CCNYL1: variants seen among roughly 807,000 people sequenced by gnomAD.
CCNYL1 encodes cyclin Y like 1, also known as cyclin-Y-like protein 1.
A neutral mutation model predicts 44.2 loss-of-function variants in CCNYL1; 16 were observed. That is an observed-to-expected ratio of 0.36 (90% CI 0.25 to 0.55). The LOEUF (loss-of-function observed/expected upper bound fraction) is 0.55. CCNYL1 is among the 20% of genes least tolerant of loss of function. The pLI, the probability that CCNYL1 is intolerant of heterozygous loss-of-function variation, is 0.85. For synonymous variants in CCNYL1, 159 were observed against 163.2 expected (o/e 0.97, Z 0.20); for missense variants, 348 against 451.8 (o/e 0.77, Z 2.08).
intron 4 of CCNYL1, among the ~76,000 whole-genome samples, chr2:207,736,868 ATATAT>A (rs1271886125): frequency 6.6e-6 from 1 of 152,074 alleles, no homozygotes; most frequent in African/African-American, 2.4e-5. Flanking sequence ...GTAATTATTT[ATATAT>A]TATAATAGTC....
rs140749564 is a variant in CCNYL1, at chr2:207,729,744, C to T, written c.330+2868C>T. Among the ~76,000 whole-genome samples, 12 of 151,934 alleles carry T rather than the reference C, an allele frequency of 7.9e-5. No homozygotes were observed. The East Asian group carries it at 2.1e-3, about 27-fold the overall frequency. ...TCTTTCTGAGAGAGTCTCATTCTGTCATCCATACTGGAGTGCAGTGGCGTG... is the reference window on the plus strand; with the variant it reads ...TCTTTCTGAGAGAGTCTCATTCTGTTATCCATACTGGAGTGCAGTGGCGTG... On this transcript the variant is annotated intron_variant, in intron 3 of 9. Coordinates refer to ENST00000295414, the MANE Select transcript of CCNYL1 (RefSeq NM_001330218.2).
At chr2:207,739,650 C>T (rs2091793451) in intron 5 of CCNYL1, among the ~76,000 whole-genome samples, 1 of 152,184 alleles carries the variant, frequency 6.6e-6, no homozygotes, top group African/African-American at 2.4e-5. Context: ...CACAACTCTA[C>T]CTCGGTATGC....
At chr2:207,728,095 C>G (rs2091694492) in intron 3 of CCNYL1, among the ~76,000 whole-genome samples, 1 of 152,062 alleles carries the variant, frequency 6.6e-6, no homozygotes, top group East Asian at 1.9e-4. Flanking sequence ...TCCCAAGTAG[C>G]TGGTATTACA....
intron 8 of CCNYL1, among the ~76,000 whole-genome samples, chr2:207,748,285 C>A (rs960992478): frequency 6.6e-6 from 1 of 152,192 alleles, no homozygotes; most frequent in South Asian, 2.1e-4. Flanking sequence ...ACGCTCACCA[C>A]ACTCGAGAGG....
At chr2:207,715,268 AAAAC>A (rs142737145) in intron 1 of CCNYL1, among the ~76,000 whole-genome samples, 73,168 of 151,324 alleles carry the variant, frequency 0.48, 18,001 homozygotes, top group East Asian at 0.71. Context: ...ACTCTGTCTC[AAAAC>A]AAACAAACAA....
At chr2:207,750,854 TAG>T in intron 8 of CCNYL1, 101 bp from the exon 9 acceptor site, 1 of 954,064 alleles carries the variant, frequency 1.0e-6, no homozygotes, top group Non-Finnish European at 1.6e-6. Context: ...TATTTTAAAA[TAG>T]AGTTTAGAGC....
At position 207,747,129 on chromosome 2, in the gene CCNYL1, T is replaced by G; in HGVS notation, c.722T>G (p.Leu241Arg). The change falls in exon 8 of 10, where the codon CTT becomes CGT. Residue 241 changes from leucine to arginine, a missense_variant. Physicochemically the swap from Leu to Arg is moderately radical, Grantham distance 102. This residue lies in a region of CCNYL1 where 45 missense variants were observed against 101.7 expected (regional missense o/e 0.44). Transcript: ENST00000295414. ...NWKRIVLGAI[L>R]LASKVWDDQA... ...AAAAGGATTGTTCTGGGAGCCATTCTTCTTGCCTCCAAGGTTTGGGACGAT... is the reference window on the plus strand; with the variant it reads ...AAAAGGATTGTTCTGGGAGCCATTCGTCTTGCCTCCAAGGTTTGGGACGAT... 1 of 1,614,126 alleles carries G rather than the reference T, an allele frequency of 6.2e-7. No individual in the cohort carries two copies. Among genetic ancestry groups the G allele is most frequent in the South Asian group, 1.1e-5 (1 of 91,088 alleles).
intron 6 of CCNYL1, among the ~76,000 whole-genome samples, chr2:207,741,833 A>G (rs10186580): frequency 0.16 from 22,796 of 146,272 alleles, 2,918 homozygotes; most frequent in East Asian, 0.39. Flanking sequence ...GCGACAGAGC[A>G]AGACTGGGTC....
chr2:207,741,009 A>T (rs1419974099), intron 6 of CCNYL1, among the ~76,000 whole-genome samples: 1 of 151,232 alleles, frequency 6.6e-6, no homozygotes, highest in Admixed American at 6.6e-5. Context: ...TAATCTCAGC[A>T]CTTTGGGAGG....
At chr2:207,734,975 A>G (rs988119308) in intron 4 of CCNYL1, among the ~76,000 whole-genome samples, 7 of 152,204 alleles carry the variant, frequency 4.6e-5, no homozygotes, top group South Asian at 2.1e-4. Context: ...TATTCAGCCA[A>G]GGTCCTAAAT....
intron 7 of CCNYL1, among the ~76,000 whole-genome samples, chr2:207,743,734 T>C (rs2091829903): frequency 6.6e-6 from 1 of 152,222 alleles, no homozygotes; most frequent in Non-Finnish European, 1.5e-5. Context: ...ATGGTCCCAG[T>C]GTTAAATGCT....
At chr2:207,745,683 T>C (rs1276551640) in intron 7 of CCNYL1, among the ~76,000 whole-genome samples, 5 of 152,224 alleles carry the variant, frequency 3.3e-5, no homozygotes, top group African/African-American at 4.8e-5. Context: ...GCACAGTGGC[T>C]CACGCCTGTA....
chr2:207,712,827 T>C (rs964089524), intron 1 of CCNYL1, among the ~76,000 whole-genome samples: 4 of 152,182 alleles, frequency 2.6e-5, no homozygotes, highest in Admixed American at 2.0e-4. Context: ...AAGTTGTTTT[T>C]TTGAGACGGA....
intron 1 of CCNYL1, among the ~76,000 whole-genome samples, chr2:207,723,262 AC>A (rs1305700062): frequency 6.6e-6 from 1 of 152,182 alleles, no homozygotes; most frequent in Admixed American, 6.5e-5. Context: ...ATTCATTTTA[AC>A]CAGGAAGTCC....
intron 3 of CCNYL1, among the ~76,000 whole-genome samples, chr2:207,727,222 C>T (rs868384464): frequency 1.3e-5 from 2 of 152,022 alleles, no homozygotes; most frequent in African/African-American, 2.4e-5. Flanking sequence ...TGTTGACTTC[C>T]TGTCATAACA....
chr2:207,753,756 T>C lies in CCNYL1; in HGVS notation c.*58T>C. ...CCTTCATCTACAAAGACTGGAGAAA[T>C]ACCACCTTTCCTGCTCAAAAACCAG... On this transcript the variant is annotated 3_prime_UTR_variant, in exon 10 of 10. Transcript: ENST00000295414. 1 of 1,101,666 alleles carries C rather than the reference T, an allele frequency of 9.1e-7. No homozygotes were observed. Among genetic ancestry groups the C allele is most frequent in the East Asian group, 2.4e-5 (1 of 41,816 alleles). The allele number at this position is 1,101,666 out of a possible 1,614,324, so 68.2% of individuals were successfully genotyped here. A position where few individuals can be genotyped will look rare whatever the true frequency, so the allele number is the denominator to read the frequency against.
chr2:207,748,683 A>G (rs1029597823), intron 8 of CCNYL1, among the ~76,000 whole-genome samples: 1 of 152,220 alleles, frequency 6.6e-6, no homozygotes, highest in Non-Finnish European at 1.5e-5. Flanking sequence ...ATTACTCCAT[A>G]TGACTGTCAT....
At chr2:207,751,298 C>T (rs1251195930) in intron 9 of CCNYL1, among the ~76,000 whole-genome samples, 179 bp downstream of exon 9, 2 of 152,226 alleles carry the variant, frequency 1.3e-5, no homozygotes, top group Non-Finnish European at 2.9e-5. Context: ...ATACAAGGAT[C>T]AACATTATTT....
At chr2:207,732,861 T>C (rs537395866) in intron 3 of CCNYL1, among the ~76,000 whole-genome samples, 11 of 152,364 alleles carry the variant, frequency 7.2e-5, no homozygotes, top group Admixed American at 5.2e-4. Context: ...TTGTGTGTAG[T>C]AGCATTTACC....
Sources: allele counts gnomAD v4.1 joint callset (sites outside exome capture counted in the v4.1 genomes callset), GRCh38; gene constraint gnomAD v4.1.1; regional missense constraint gnomAD v4.1.1; transcripts MANE v1.5; gene names NCBI Gene and HGNC (gene_info 2026-07-23, HGNC 2026-07-21).